RERE: variants seen among roughly 807,000 people sequenced by gnomAD.
RERE encodes arginine-glutamic acid dipeptide repeats.
Under a neutral mutation model 146.1 loss-of-function variants are expected in RERE, and 40 were observed. That is an observed-to-expected ratio of 0.27 (90% CI 0.21 to 0.36). RERE has a LOEUF of 0.36. Ranked by LOEUF, RERE falls within the 10% of genes least tolerant of loss-of-function variation. The pLI, the probability that RERE is intolerant of heterozygous loss-of-function variation, is 1.00. For missense variants in RERE, 1,933 were observed against 2,138.7 expected (o/e 0.90, Z 1.90); for synonymous variants, 1,003 against 866.0 (o/e 1.16, Z -2.78).
At chr1:8,438,509 A>G (rs1644201573) in intron 11 of RERE, among the ~76,000 whole-genome samples, 1 of 152,212 alleles carries the variant, frequency 6.6e-6, no homozygotes, top group Admixed American at 6.5e-5. Flanking sequence ...TCCCATATAG[A>G]TGGGTCTCTG....
chr1:8,791,304 A>G (rs2124575026), intron 1 of RERE, among the ~76,000 whole-genome samples: 1 of 152,326 alleles, frequency 6.6e-6, no homozygotes. Flanking sequence ...TTGTTGGAGC[A>G]TCATGTTTCT....
At chr1:8,703,041 C>T (rs930884414) in intron 1 of RERE, 1 of 152,088 alleles carries the variant, frequency 6.6e-6, no homozygotes, top group Non-Finnish European at 1.5e-5. Context: ...CGCACGAGGC[C>T]GCCGGCCACT....
intron 1 of RERE, among the ~76,000 whole-genome samples, chr1:8,802,666 C>T (rs1026783656): frequency 2.0e-5 from 3 of 152,214 alleles, no homozygotes; most frequent in Non-Finnish European, 4.4e-5. Flanking sequence ...CTACCTAGTA[C>T]TCAGTTGTGT....
intron 1 of RERE, among the ~76,000 whole-genome samples, chr1:8,667,967 T>A (rs1029111957): frequency 6.6e-6 from 1 of 152,178 alleles, no homozygotes; most frequent in Non-Finnish European, 1.5e-5. Flanking sequence ...CCCATACAGA[T>A]TCTAACAACG....
At chr1:8,498,215 CG>C (rs1640692118) in intron 8 of RERE, among the ~76,000 whole-genome samples, 1 of 151,502 alleles carries the variant, frequency 6.6e-6, no homozygotes. Flanking sequence ...AAAAAGTAGC[CG>C]AGCACGGTGG....
intron 1 of RERE, among the ~76,000 whole-genome samples, chr1:8,749,009 T>C (rs1188681334): frequency 6.6e-6 from 1 of 152,238 alleles, no homozygotes; most frequent in Non-Finnish European, 1.5e-5. Context: ...CGGTAAGCTG[T>C]GTGTCAGGTA....
At chr1:8,386,819 G>C (rs1642694981) in intron 12 of RERE, among the ~76,000 whole-genome samples, 1 of 152,040 alleles carries the variant, frequency 6.6e-6, no homozygotes. Context: ...TTCTCTCAGG[G>C]GAAAAGCTGC....
chr1:8,374,746 TTTTCTACCATATTCC>T (rs997956414), intron 12 of RERE, among the ~76,000 whole-genome samples: 29 of 152,326 alleles, frequency 1.9e-4, no homozygotes, highest in African/African-American at 3.4e-4. Context: ...ACCGGAAGAC[TTTTCTACCATATTCC>T]TTTCTACCAT....
chr1:8,722,013 T>C (rs892973499), intron 1 of RERE, among the ~76,000 whole-genome samples: 2 of 152,230 alleles, frequency 1.3e-5, no homozygotes, highest in Non-Finnish European at 2.9e-5. Context: ...AGTCTACTGG[T>C]GCTTTTTGTT....
rs897313221 is a variant in RERE, at chr1:8,371,756, G to C, written c.1285-5782C>G. Among the ~76,000 whole-genome samples the C allele has an allele frequency of 7.2e-5, 11 of 152,250 alleles. 1 individual carries two copies. The highest frequency in any genetic ancestry group is 2.7e-4 in the African/African-American group (11 of 41,458). On this transcript the variant is annotated intron_variant, in intron 12 of 22. Transcript: ENST00000400908. ...GGGCAATCTGGGCTGGAGCAACAGGGGCCGGGGCTGCCTACCTCCTAGAGG... is the reference window on the plus strand; with the variant it reads ...GGGCAATCTGGGCTGGAGCAACAGGCGCCGGGGCTGCCTACCTCCTAGAGG...
At chr1:8,752,798 A>G (rs755368207) in intron 1 of RERE, among the ~76,000 whole-genome samples, 10 of 152,202 alleles carry the variant, frequency 6.6e-5, no homozygotes, top group Non-Finnish European at 1.5e-4. Context: ...ACTTTAAACC[A>G]TTTCATAATT....
chr1:8,610,456 G>A (rs1646780110), intron 4 of RERE, among the ~76,000 whole-genome samples: 1 of 152,138 alleles, frequency 6.6e-6, no homozygotes, highest in Non-Finnish European at 1.5e-5. Flanking sequence ...AGGCATGGTG[G>A]TGGACGCCTG....
intron 1 of RERE, among the ~76,000 whole-genome samples, chr1:8,688,685 G>A (rs889299546): frequency 1.3e-5 from 2 of 152,192 alleles, no homozygotes; most frequent in Admixed American, 6.5e-5. Context: ...CTATGATCGT[G>A]CCACTGGGCA....
chr1:8,673,607 CT>C (rs747530560), intron 1 of RERE, among the ~76,000 whole-genome samples: 118 of 152,182 alleles, frequency 7.8e-4, no homozygotes, highest in Non-Finnish European at 1.3e-3. Flanking sequence ...AAGCAAGCAT[CT>C]GTCAAGATCT....
rs538629961 is a variant in RERE at position 8,360,128 on chromosome 1, C to T, written c.3379G>A (p.Ala1127Thr). The stretch of plus-strand genomic sequence containing the variant: ...GAAGCGTACCTAGCTGACTGGCTGG[C>T]GTGACTGGGGGTGTCCACCACAGTG... ...EPTVVDTPSH[A>T]SQSARFYKHL... The change falls in exon 18 of 23, where the codon GCC becomes ACC. Residue 1127 changes from alanine to threonine, a missense_variant. Transcript: ENST00000400908. 216 of 1,579,590 alleles carry T rather than the reference C, an allele frequency of 1.4e-4. 2 individuals carry two copies. The South Asian group carries it at 1.6e-3, about 12-fold the overall frequency.
intron 1 of RERE, among the ~76,000 whole-genome samples, chr1:8,672,738 G>T (rs1638745747): frequency 6.6e-6 from 1 of 152,030 alleles, no homozygotes; most frequent in African/African-American, 2.4e-5. Context: ...TTGGCTTCTG[G>T]ACTCAATCAA....
intron 10 of RERE, among the ~76,000 whole-genome samples, chr1:8,467,390 G>A (rs931315758): frequency 1.3e-5 from 2 of 152,198 alleles, no homozygotes; most frequent in South Asian, 4.1e-4. Context: ...CTCTTGCTTA[G>A]GTTTAGGCAA....
In RERE at chr1:8,358,223, G is replaced by A; in HGVS notation, c.4312C>T (p.Leu1438Phe). 1 of 1,599,590 alleles carries A rather than the reference G, an allele frequency of 6.3e-7. No homozygotes were observed. Among genetic ancestry groups the A allele is most frequent in the Non-Finnish European group, 8.6e-7 (1 of 1,168,068 alleles). ...TGGTGGAGGGGGTCCTGCTGGTGGAGGTGGAGGTGGGAGTGAATGTGAGAG... is the reference window on the plus strand; with the variant it reads ...TGGTGGAGGGGGTCCTGCTGGTGGAAGTGGAGGTGGGAGTGAATGTGAGAG... ...QHSHIHSHLH[L>F]HQQDPLHQGS... Residue 1438 changes from leucine to phenylalanine, a missense_variant, in exon 20 of 23, where the codon CTC becomes TTC. Transcript: ENST00000400908.
intron 10 of RERE, among the ~76,000 whole-genome samples, chr1:8,473,195 T>C (rs1254576112): frequency 6.6e-6 from 1 of 152,108 alleles, no homozygotes; most frequent in East Asian, 1.9e-4. Flanking sequence ...AAAGAACAAA[T>C]GTGAGTGAAC....
Sources: gnomAD v4.1 joint callset for allele counts (sites outside exome capture counted in the v4.1 genomes callset) on GRCh38, gnomAD v4.1.1 for gene constraint, MANE v1.5 for transcripts, NCBI Gene and HGNC (gene_info 2026-07-23, HGNC 2026-07-21) for gene names.